Variants in BDKRB2 observed in about 807,000 individuals in gnomAD.
BDKRB2 encodes the protein B2 bradykinin receptor.
In BDKRB2, 6 loss-of-function variants were observed where a neutral mutation model predicts 4.0. The ratio of observed to expected loss-of-function variants is 1.49; its 90% CI spans 0.81 to 2.93. The LOEUF is 2.93. Among genes scored for constraint, BDKRB2 ranks in the 30% most tolerant of loss-of-function variants. The pLI, the probability that BDKRB2 is intolerant of heterozygous loss-of-function variation, is 0.00. For missense variants in BDKRB2, 478 were observed against 520.1 expected, an observed-to-expected ratio of 0.92 and a Z score of 0.79; for synonymous variants, 225 against 215.3, an observed-to-expected ratio of 1.05 and a Z score of -0.40.
In BDKRB2 at chr14:96,243,405, AAGGGCTAGAACCTGG is replaced by A. The variant is rs1162528260; in HGVS notation, c.*1917_*1931del. On this transcript the variant is annotated 3_prime_UTR_variant, in exon 3 of 3. Transcript: ENST00000554311. ...TAGAACCTGGAGGGCTAGAACCTAG[AAGGGCTAGAACCTGG>A]AGGGCTAGAACCTGGCAGGTTAGAA... The A allele has an allele frequency of 7.5e-6, 1 of 134,012 alleles. No homozygotes were observed. Among genetic ancestry groups the A allele is most frequent in the African/African-American group, 2.9e-5 (1 of 34,504 alleles). 8.3% of individuals were successfully genotyped at this position (134,012 alleles called of 1,614,324 possible).
chr14:96,241,267 C>CTGTGATT lies in BDKRB2; in HGVS notation c.939_940insTGTGATT (p.Thr314CysfsTer93). 6.2e-7 allele frequency: 1 copy of CTGTGATT among 1,613,984 alleles called. No individual in the cohort carries two copies. The highest frequency in any genetic ancestry group is 8.5e-7 in the Non-Finnish European group (1 of 1,179,884). On this transcript the variant is annotated frameshift_variant, in exon 3 of 3. Coordinates refer to ENST00000554311, the MANE Select transcript of BDKRB2 (RefSeq NM_001379692.1). LOFTEE classifies it low-confidence loss of function (END_TRUNC). Reference sequence around the variant, plus strand: ...AGGACGAGCGCATCATCGATGTAATCACACAGATCGCCTCCTTCATGGCCT... The same window carrying CTGTGATT: ...AGGACGAGCGCATCATCGATGTAATCTGTGATTACACAGATCGCCTCCTTCATGGCCT...
intron 2 of BDKRB2, chr14:96,239,406 C>T: frequency 1.0e-6 from 1 of 985,368 alleles, no homozygotes; most frequent in Non-Finnish European, 1.2e-6. Context: ...CTGTCCAAGC[C>T]CCACGCCTCT....
At chr14:96,236,771 C>T (rs951052857) in intron 1 of BDKRB2, among the ~76,000 whole-genome samples, 2 of 152,326 alleles carry the variant, frequency 1.3e-5, no homozygotes, top group African/African-American at 2.4e-5. Context: ...ATAATCCACT[C>T]GCCCTCACAG....
intron 1 of BDKRB2, among the ~76,000 whole-genome samples, chr14:96,213,296 A>G (rs1210150887): frequency 2.0e-5 from 3 of 152,136 alleles, no homozygotes. Flanking sequence ...CCCCACAAGG[A>G]GCTGAGAGCC....
chr14:96,225,745 T>G (rs964182506), intron 1 of BDKRB2, among the ~76,000 whole-genome samples: 1 of 152,200 alleles, frequency 6.6e-6, no homozygotes, highest in Admixed American at 6.5e-5. Flanking sequence ...TCAGGATTCC[T>G]TTTTCTCTGT....
rs1885298923 is a variant in BDKRB2 at position 96,241,675 on chromosome 14, G to A, written c.*171G>A. Reference sequence around the variant, plus strand: ...CCTGCCCTGCCCAATTTTGCAGGGAGCATGGCTGTGAGGATGGGGTGAACT... The same window carrying A: ...CCTGCCCTGCCCAATTTTGCAGGGAACATGGCTGTGAGGATGGGGTGAACT... On this transcript the variant is annotated 3_prime_UTR_variant, in exon 3 of 3. Coordinates refer to ENST00000554311, the MANE Select transcript of BDKRB2 (RefSeq NM_001379692.1). 7.7e-6 allele frequency: 9 copies of A among 1,163,464 alleles called. No homozygotes were observed. In the East Asian group the frequency reaches 1.6e-4, roughly 21 times the overall value. The allele number at this position is 1,163,464 out of a possible 1,614,324, so 72.1% of individuals were successfully genotyped here.
rs75130797 is a variant in BDKRB2, at chr14:96,224,905, G to A, written c.-39-12164G>A. On this transcript the variant is annotated intron_variant, in intron 1 of 2. Transcript: ENST00000554311. The stretch of plus-strand genomic sequence containing the variant: ...GACAAAGGTCACATGGCTAGGGTGA[G>A]GCTTTGAGATGGGCGAGACTGTGAG... Among the ~76,000 whole-genome samples the A allele has an allele frequency of 1.5e-3, 230 of 152,336 alleles. 7 individuals are homozygous for A. The East Asian group carries it at 0.036, about 24-fold the overall frequency.
Position 96,241,375 on chromosome 14 carries a change from A to AG in BDKRB2, c.1048dup (p.Val350GlyfsTer55). The AG allele has an allele frequency of 6.2e-7, 1 of 1,613,726 alleles. No homozygotes were observed. Among genetic ancestry groups the AG allele is most frequent in the Non-Finnish European group, 8.5e-7 (1 of 1,179,984 alleles). ...AGAAGTCTTGGGAGGTGTACCAGGG[A>AG]GTGTGCCAGAAAGGGGGCTGCAGGT... On this transcript the variant is annotated frameshift_variant, in exon 3 of 3. Coordinates refer to ENST00000554311, the MANE Select transcript of BDKRB2 (RefSeq NM_001379692.1). LOFTEE classifies it low-confidence loss of function (END_TRUNC).
In BDKRB2 at chr14:96,242,602, A is replaced by T. The variant is rs1284958243; in HGVS notation, c.*1098A>T. The T allele has an allele frequency of 6.6e-6, 1 of 152,288 alleles. No homozygotes were observed. Among genetic ancestry groups the T allele is most frequent in the Non-Finnish European group, 1.5e-5 (1 of 68,082 alleles). The allele number at this position is 152,288 out of a possible 1,614,324, so 9.4% of individuals were successfully genotyped here. On this transcript the variant is annotated 3_prime_UTR_variant, in exon 3 of 3. Transcript: ENST00000554311. ...GCTCATTGGCTCCCTTCCACCTGTCATTCCCACCACCCTGAGGCCCCAACC... is the reference window on the plus strand; with the variant it reads ...GCTCATTGGCTCCCTTCCACCTGTCTTTCCCACCACCCTGAGGCCCCAACC...
rs1454945306 is a variant in BDKRB2, at chr14:96,239,011, C to T, written c.75-1392C>T. 1.0e-5 allele frequency: 10 copies of T among 985,580 alleles called. No homozygotes were observed. The East Asian group carries it at 9.1e-4, about 89-fold the overall frequency. 61.1% of individuals were successfully genotyped at this position (985,580 alleles called of 1,614,324 possible). A position where few individuals can be genotyped will look rare whatever the true frequency, so the allele number is the denominator to read the frequency against. ...CCCCAGTCTGGCTCCAGGATGCCAG[C>T]CAGCTGCTCCTAGAAGCAAACGGAC... On this transcript the variant is annotated intron_variant, in intron 2 of 2. Transcript: ENST00000554311.
chr14:96,231,832 C>T (rs1890825399), intron 1 of BDKRB2, among the ~76,000 whole-genome samples: 1 of 152,246 alleles, frequency 6.6e-6, no homozygotes. Flanking sequence ...GACAGATGCA[C>T]ATGCACTTTA....
chr14:96,228,617 G>A (rs1301021750), intron 1 of BDKRB2, among the ~76,000 whole-genome samples: 3 of 152,178 alleles, frequency 2.0e-5, no homozygotes, highest in African/African-American at 7.2e-5. Flanking sequence ...GGAGTTTGGG[G>A]TTTTTATGGG....
At chr14:96,233,036 T>G (rs1356687284) in intron 1 of BDKRB2, among the ~76,000 whole-genome samples, 1 of 152,188 alleles carries the variant, frequency 6.6e-6, no homozygotes, top group Non-Finnish European at 1.5e-5. Context: ...AGTGCCTTTT[T>G]GTTTTTTTGA....
chr14:96,233,022 C>T (rs1346707233), intron 1 of BDKRB2, among the ~76,000 whole-genome samples: 1 of 152,172 alleles, frequency 6.6e-6, no homozygotes, highest in Non-Finnish European at 1.5e-5. Context: ...AGTGATTAAG[C>T]CTGAGTGCCT....
In BDKRB2 at chr14:96,240,460, G is replaced by T; in HGVS notation, c.132G>T (p.Gln44His). Reference protein sequence around the residue: ...QGPTLNGTFAQSKCPQVEWLG... With the variant: ...QGPTLNGTFAHSKCPQVEWLG... ...CCACTCTTAACGGGACCTTTGCCCAGAGCAAATGCCCCCAAGTGGAGTGGC... is the reference window on the plus strand; with the variant it reads ...CCACTCTTAACGGGACCTTTGCCCATAGCAAATGCCCCCAAGTGGAGTGGC... Residue 44 changes from glutamine to histidine, a missense_variant, in exon 3 of 3, where the codon CAG becomes CAT. Physicochemically the swap from Gln to His is conservative, Grantham distance 24 (BLOSUM62 0). Transcript: ENST00000554311. 1 of 1,513,104 alleles carries T rather than the reference G, an allele frequency of 6.6e-7. No homozygotes were observed. The highest frequency in any genetic ancestry group is 2.3e-5 in the East Asian group (1 of 43,422). 93.7% of individuals were successfully genotyped at this position (1,513,104 alleles called of 1,614,324 possible). A position where few individuals can be genotyped will look rare whatever the true frequency, so the allele number is the denominator to read the frequency against.
chr14:96,213,495 AACACACACACACACACAC>A (rs66460667), intron 1 of BDKRB2, among the ~76,000 whole-genome samples: 2 of 146,668 alleles, frequency 1.4e-5, no homozygotes, highest in Admixed American at 1.4e-4. Context: ...GACCGACCCA[AACACACACACACACACAC>A]ACACACACAC....
rs1212512042 is a variant in BDKRB2 at position 96,242,288 on chromosome 14, G to A, written c.*784G>A. On this transcript the variant is annotated 3_prime_UTR_variant, in exon 3 of 3. Coordinates refer to ENST00000554311, the MANE Select transcript of BDKRB2 (RefSeq NM_001379692.1). ...TGGGTGATATGGACAGCAGAAGGGG[G>A]AGACCAAGGTTCCAGCTCAACCAAT... The A allele has an allele frequency of 2.0e-5, 3 of 152,236 alleles. No homozygotes were observed. The highest frequency in any genetic ancestry group is 1.9e-4 in the East Asian group (1 of 5,200). 9.4% of individuals were successfully genotyped at this position (152,236 alleles called of 1,614,324 possible).
At chr14:96,209,153 T>C (rs1890250190) in intron 1 of BDKRB2, among the ~76,000 whole-genome samples, 1 of 152,230 alleles carries the variant, frequency 6.6e-6, no homozygotes. Context: ...GCGGGGGTCC[T>C]GCTCTGGGGA....
chr14:96,208,833 C>T (rs1193885338), intron 1 of BDKRB2, among the ~76,000 whole-genome samples: 1 of 152,204 alleles, frequency 6.6e-6, no homozygotes, highest in Non-Finnish European at 1.5e-5. Flanking sequence ...ACTGCCAACC[C>T]CTCTGAGCCT....
Sources: allele counts gnomAD v4.1 joint callset (sites outside exome capture counted in the v4.1 genomes callset), GRCh38; gene constraint gnomAD v4.1.1; transcripts MANE v1.5; gene names NCBI Gene and HGNC (gene_info 2026-07-23, HGNC 2026-07-21).